Variants in SYT9 observed in about 807,000 individuals in gnomAD.
The protein encoded by SYT9 is synaptotagmin-9.
In SYT9, 22 loss-of-function variants were observed where a neutral mutation model predicts 48.4. That is an observed-to-expected ratio of 0.45 (90% CI 0.32 to 0.65). The LOEUF is 0.65. Among genes scored for constraint, SYT9 ranks in the 30% least tolerant of loss-of-function variants. SYT9 has a pLI of 0.03. For missense variants in SYT9, 577 were observed against 622.0 expected (o/e 0.93, Z 0.77); for synonymous variants, 265 against 245.0 (o/e 1.08, Z -0.76).
At chr11:7,311,844 C>G (rs1454030212) in intron 2 of SYT9, among the ~76,000 whole-genome samples, 1 of 152,202 alleles carries the variant, frequency 6.6e-6, no homozygotes, top group African/African-American at 2.4e-5. Context: ...TCTAGCACTA[C>G]ATTGGTTCCA....
chr11:7,461,619 C>T (rs774776186), intron 6 of SYT9, among the ~76,000 whole-genome samples: 20 of 152,220 alleles, frequency 1.3e-4, no homozygotes, highest in Non-Finnish European at 2.4e-4. Context: ...GTGATCCATC[C>T]GCCTTGGCCT....
At position 7,365,584 on chromosome 11, in the gene SYT9, C is replaced by T. The variant is rs150477008; in HGVS notation, c.1045-50458C>T. On this transcript the variant is annotated intron_variant, in intron 3 of 6. Coordinates refer to ENST00000318881, the MANE Select transcript of SYT9 (RefSeq NM_175733.4). Reference sequence around the variant, plus strand: ...GCCTAACACCTCCTGCCATGCCTGACATTGTATAGGTGACAATTTTTAAAA... The same window carrying T: ...GCCTAACACCTCCTGCCATGCCTGATATTGTATAGGTGACAATTTTTAAAA... Among the ~76,000 whole-genome samples, 408 of 152,294 alleles carry T rather than the reference C, an allele frequency of 2.7e-3. 1 individual carries two copies. The Middle Eastern group carries it at 0.031, about 11-fold the overall frequency.
chr11:7,404,302 G>C (rs1309218298), intron 3 of SYT9, among the ~76,000 whole-genome samples: 36 of 151,808 alleles, frequency 2.4e-4, no homozygotes, highest in Non-Finnish European at 1.5e-5. Flanking sequence ...GTAATTATTG[G>C]GATAGTTTAG....
intron 3 of SYT9, among the ~76,000 whole-genome samples, chr11:7,402,420 T>C (rs1350147105): frequency 1.3e-5 from 2 of 152,162 alleles, no homozygotes; most frequent in Non-Finnish European, 2.9e-5. Context: ...TTACTACTAA[T>C]AGAGCAGTGT....
intron 3 of SYT9, among the ~76,000 whole-genome samples, chr11:7,350,132 C>T (rs930767995): frequency 6.6e-6 from 1 of 152,140 alleles, no homozygotes; most frequent in African/African-American, 2.4e-5. Flanking sequence ...GGACAGATTT[C>T]CAGAGAACTA....
At chr11:7,275,997 A>T (rs969971538) in intron 1 of SYT9, among the ~76,000 whole-genome samples, 1 of 152,132 alleles carries the variant, frequency 6.6e-6, no homozygotes, top group East Asian at 1.9e-4. Flanking sequence ...TGTAAGCTCT[A>T]TTTATCTGTC....
intron 1 of SYT9, among the ~76,000 whole-genome samples, chr11:7,292,937 G>T (rs1848719732): frequency 6.6e-6 from 1 of 152,150 alleles, no homozygotes; most frequent in Admixed American, 6.5e-5. Context: ...TTCCTGTTAG[G>T]CAGCAAGTGG....
In SYT9 at chr11:7,416,083, T is replaced by A. The variant is rs1398357511; in HGVS notation, c.1086T>A (p.Tyr362Ter). 6.2e-7 allele frequency: 1 copy of A among 1,614,076 alleles called. No homozygotes were observed. The highest frequency in any genetic ancestry group is 1.7e-5 in the Admixed American group (1 of 60,012). Residue 362 changes from tyrosine to a stop codon, truncating the protein, a stop_gained, in exon 4 of 7, where the codon TAT (tyrosine) becomes TAA (stop). Coordinates refer to ENST00000318881, the MANE Select transcript of SYT9 (RefSeq NM_175733.4). LOFTEE classifies it high-confidence loss of function. ...GAGAGCTGATGTTTTCCCTGTGCTA[T>A]CTTCCAACGGCTGGCAGGCTGACCA... Reference protein sequence around the residue: ...DLGELMFSLCYLPTAGRLTIT... With the variant: ...DLGELMFSLC
At chr11:7,405,211 C>T (rs2134080254) in intron 3 of SYT9, among the ~76,000 whole-genome samples, 1 of 152,092 alleles carries the variant, frequency 6.6e-6, no homozygotes, top group African/African-American at 2.4e-5. Context: ...GTTCCTCAAC[C>T]TTAGCACTAT....
intron 1 of SYT9, among the ~76,000 whole-genome samples, chr11:7,272,320 C>G (rs16924191): frequency 0.089 from 13,471 of 152,214 alleles, 787 homozygotes; most frequent in East Asian, 0.23. Flanking sequence ...GCATAACTGA[C>G]TTCTGTCCCA....
chr11:7,425,452 G>A (rs112475013), intron 6 of SYT9, among the ~76,000 whole-genome samples: 29 of 152,172 alleles, frequency 1.9e-4, no homozygotes, highest in African/African-American at 6.5e-4. Flanking sequence ...GAAAAGCCAC[G>A]TAGGAAATCA....
chr11:7,348,387 TC>T (rs1849841641), intron 3 of SYT9, among the ~76,000 whole-genome samples: 1 of 152,330 alleles, frequency 6.6e-6, no homozygotes, highest in African/African-American at 2.4e-5. Context: ...ATCGTTCATT[TC>T]CATCATTTCG....
At chr11:7,400,686 CAA>C (rs1846872320) in intron 3 of SYT9, among the ~76,000 whole-genome samples, 1 of 152,040 alleles carries the variant, frequency 6.6e-6, no homozygotes, top group Non-Finnish European at 1.5e-5. Flanking sequence ...ACTTCTAAGA[CAA>C]AAATCAGTGT....
chr11:7,324,950 C>A (rs1849403579), intron 3 of SYT9, among the ~76,000 whole-genome samples: 1 of 151,984 alleles, frequency 6.6e-6, no homozygotes, highest in Non-Finnish European at 1.5e-5. Flanking sequence ...GGTGGATTTT[C>A]AATTTCATCT....
At chr11:7,415,365 G>T (rs560145222) in intron 3 of SYT9, among the ~76,000 whole-genome samples, 17 of 152,272 alleles carry the variant, frequency 1.1e-4, no homozygotes, top group Admixed American at 2.0e-4. Flanking sequence ...CAGTGGAGCC[G>T]TGTGCTGGTC....
upstream of SYT9, among the ~76,000 whole-genome samples, chr11:7,251,661 A>G (rs1353247126): frequency 1.3e-5 from 2 of 152,138 alleles, no homozygotes; most frequent in African/African-American, 2.4e-5. Flanking sequence ...CTTGGTTTGC[A>G]TCAGGGATGA....
intron 4 of SYT9, among the ~76,000 whole-genome samples, chr11:7,417,488 C>CT (rs1308420604): frequency 1.3e-5 from 2 of 152,112 alleles, no homozygotes; most frequent in Non-Finnish European, 2.9e-5. Flanking sequence ...GGTCTCTATA[C>CT]TTAAGGAATT....
Position 7,453,908 on chromosome 11 carries a change from A to G in SYT9, c.1468-12884A>G, listed in dbSNP as rs998369370. ...CAGAGGGCATGGCCCCTAAGTTCAG[A>G]TCTCAGTCGCCCTCCTCAGGAGCAC... On this transcript the variant is annotated intron_variant, in intron 6 of 6. Coordinates refer to ENST00000318881, the MANE Select transcript of SYT9 (RefSeq NM_175733.4). 9.8e-6 allele frequency: 8 copies of G among 813,140 alleles called. No homozygotes were observed. The African/African-American group carries it at 1.3e-4, about 13-fold the overall frequency. The allele number at this position is 813,140 out of a possible 1,614,324, so 50.4% of individuals were successfully genotyped here. A position where few individuals can be genotyped will look rare whatever the true frequency, so the allele number is the denominator to read the frequency against.
rs1010521300 is a variant in SYT9 at position 7,364,176 on chromosome 11, C to G, written c.1044+50235C>G. On this transcript the variant is annotated intron_variant, in intron 3 of 6. Coordinates refer to ENST00000318881, the MANE Select transcript of SYT9 (RefSeq NM_175733.4). ...TCCTACTTGATAGGATGAGAAGCAACATTGAAAGAGGCATAAAGATGCAAA... is the reference window on the plus strand; with the variant it reads ...TCCTACTTGATAGGATGAGAAGCAAGATTGAAAGAGGCATAAAGATGCAAA... 5.9e-5 allele frequency among the ~76,000 whole-genome samples: 9 copies of G among 152,148 alleles called. No homozygotes were observed. In the South Asian group the frequency reaches 1.9e-3, roughly 32 times the overall value.
Sources: allele counts gnomAD v4.1 joint callset (sites outside exome capture counted in the v4.1 genomes callset), GRCh38; gene constraint gnomAD v4.1.1; transcripts MANE v1.5; gene names NCBI Gene and HGNC (gene_info 2026-07-23, HGNC 2026-07-21).